Variants in NPDC1 observed in about 807,000 individuals in gnomAD.
NPDC1 encodes neural proliferation, differentiation and control 1.
In NPDC1, 18 loss-of-function variants were observed where a neutral mutation model predicts 32.5. The ratio of observed to expected loss-of-function variants is 0.55; its 90% confidence interval spans 0.38 to 0.82. The LOEUF is 0.82. NPDC1 is among the 40% of genes least tolerant of loss of function. The pLI is 0.00. For synonymous variants in NPDC1, 210 were observed against 184.7 expected, an observed-to-expected ratio of 1.14 and a Z score of -1.11; for missense variants, 468 against 406.6, an observed-to-expected ratio of 1.15 and a Z score of -1.30.
At position 137,045,636 on chromosome 9, in the gene NPDC1, C is replaced by T. The variant is rs182796518; in HGVS notation, c.112+242G>A. Among the ~76,000 whole-genome samples the T allele has an allele frequency of 2.6e-3, 396 of 152,342 alleles. 3 individuals carry two copies. The highest frequency in any genetic ancestry group is 6.8e-3 in the Middle Eastern group (2 of 294). On this transcript the variant is annotated intron_variant, in intron 1 of 8. Coordinates refer to ENST00000371601, the MANE Select transcript of NPDC1 (RefSeq NM_015392.4). ...CGGAAGAAGCCATGAATGTAAGGTA[C>T]GCCTCTGGGAACCGGCAGAAGCCCC...
At chr9:137,042,768 G>A (rs1832076767) in intron 2 of NPDC1, 159 bp downstream of exon 2, 3 of 805,396 alleles carry the variant, frequency 3.7e-6, no homozygotes, top group East Asian at 2.7e-5. Flanking sequence ...ATGTTGGCCA[G>A]GCTGGTCTTG....
At chr9:137,040,136 G>A in intron 7 of NPDC1, 69 bp from the exon 8 acceptor site, 1 of 735,562 alleles carries the variant, frequency 1.4e-6, no homozygotes, top group Non-Finnish European at 2.5e-6. Flanking sequence ...CTGGAAGTGG[G>A]CACTCAGCCC....
At position 137,041,107 on chromosome 9, in the gene NPDC1, A is replaced by G. The variant is rs139058451; in HGVS notation, c.340T>C (p.Ser114Pro). 542 of 1,530,422 alleles carry G rather than the reference A, an allele frequency of 3.5e-4. No homozygotes were observed. The highest frequency in any genetic ancestry group is 4.5e-4 in the Non-Finnish European group (516 of 1,141,634). 94.8% of individuals were successfully genotyped at this position (1,530,422 alleles called of 1,614,324 possible). A position where few individuals can be genotyped will look rare whatever the true frequency, so the allele number is the denominator to read the frequency against. The change falls in exon 3 of 9, where the codon TCA becomes CCA. Residue 114 changes from serine (S) to proline (P), a missense_variant. By Grantham distance (74) the Ser-to-Pro change is moderately conservative. Coordinates refer to ENST00000371601, the MANE Select transcript of NPDC1 (RefSeq NM_015392.4). ...QELARKESGH[S>P]TPPLPKDRQR... ...CGGTCCTTGGGTAGGGGCGGAGTTG[A>G]GTGTCCAGACTCCTTCCGGGCAAGC...
intron 2 of NPDC1, among the ~76,000 whole-genome samples, chr9:137,041,413 G>T (rs1318305152): frequency 6.6e-6 from 1 of 152,138 alleles, no homozygotes; most frequent in Non-Finnish European, 1.5e-5. Flanking sequence ...CTAGGGAAAC[G>T]TCCAAAGACC....
intron 7 of NPDC1, 27 bp from the exon 8 acceptor site, chr9:137,040,094 T>TC (rs753775672): frequency 1.3e-6 from 1 of 771,810 alleles, no homozygotes; most frequent in Non-Finnish European, 2.4e-6. Flanking sequence ...CGCTGGGTCC[T>TC]CCCCATGCCC....
At chr9:137,043,246 G>A in intron 1 of NPDC1, 173 bp from the exon 2 acceptor site, 1 of 774,212 alleles carries the variant, frequency 1.3e-6, no homozygotes, top group Non-Finnish European at 2.3e-6. Flanking sequence ...TCAGAACCCG[G>A]AAGCGAACAG....
chr9:137,041,012 A>G (rs748291261), intron 3 of NPDC1, 28 bp from the exon 4 acceptor site: 1 of 1,523,896 alleles, frequency 6.6e-7, no homozygotes, highest in Admixed American at 2.2e-5. Context: ...TTAGAATGAG[A>G]GCACTGGGCT....
At chr9:137,042,654 G>A (rs1416852341) in intron 2 of NPDC1, among the ~76,000 whole-genome samples, 2 of 150,054 alleles carry the variant, frequency 1.3e-5, no homozygotes, top group African/African-American at 2.5e-5. Context: ...CCGCCTCCCG[G>A]GTTAAAGCAA....
At chr9:137,040,630 G>T (rs574221036) in intron 5 of NPDC1, 32 bp from the exon 6 acceptor site, 2 of 1,562,466 alleles carry the variant, frequency 1.3e-6, no homozygotes, top group Non-Finnish European at 1.7e-6. Flanking sequence ...ACCTCTGAGC[G>T]TGTGGCACCC....
chr9:137,043,171 C>T (rs1434732489), intron 1 of NPDC1, 98 bp from the exon 2 acceptor site: 2 of 1,384,734 alleles, frequency 1.4e-6, no homozygotes, highest in East Asian at 2.5e-5. Context: ...CCGTCACCCC[C>T]CGAGCTGGCC....
At chr9:137,041,979 G>T (rs528427246) in intron 2 of NPDC1, among the ~76,000 whole-genome samples, 1 of 152,264 alleles carries the variant, frequency 6.6e-6, no homozygotes, top group Non-Finnish European at 1.5e-5. Context: ...GGACGGGGAA[G>T]TGGGGGCCTG....
rs1469874702 is a variant in NPDC1, at chr9:137,040,399, T to G, written c.746A>C (p.Tyr249Ser). ...DQRLAQSAEM[Y>S]HYQHQRQQML... ...CTGTTGCCGTTGGTGCTGGTAGTGG[T>G]ACATCTCCGCGCTCTGTGCCAGCCG... is the stretch of plus-strand genomic sequence containing the variant. The change falls in exon 7 of 9, where the codon TAC becomes TCC. Residue 249 changes from tyrosine (Y) to serine (S), a missense_variant. Tyr to Ser is a moderately radical substitution (Grantham distance 144, BLOSUM62 -2). Transcript: ENST00000371601. 6.5e-7 allele frequency: 1 copy of G among 1,548,124 alleles called. No homozygotes were observed. The highest frequency in any genetic ancestry group is 2.4e-5 in the East Asian group (1 of 40,914).
At chr9:137,043,119 C>A in intron 1 of NPDC1, 46 bp from the exon 2 acceptor site, 1 of 1,599,628 alleles carries the variant, frequency 6.3e-7, no homozygotes, top group Admixed American at 1.7e-5. Context: ...CCCCGCAGGG[C>A]TCGGCCCCTG....
At position 137,041,020 on chromosome 9, in the gene NPDC1, G is replaced by C. The variant is rs747289296; in HGVS notation, c.386-36C>G. On this transcript the variant is annotated intron_variant, in intron 3 of 8. Coordinates refer to ENST00000371601, the MANE Select transcript of NPDC1 (RefSeq NM_015392.4). ...GGACAGGTTAGAATGAGAGCACTGG[G>C]CTAGGGACAGGGCCGTGGGGCAGGG... The C allele has an allele frequency of 7.2e-6, 11 of 1,524,880 alleles. No homozygotes were observed. The African/African-American group carries it at 1.4e-4, about 19-fold the overall frequency. The allele number at this position is 1,524,880 out of a possible 1,614,324, so 94.5% of individuals were successfully genotyped here.
intron 1 of NPDC1, 132 bp downstream of exon 1, chr9:137,045,746 C>T (rs1832121289): frequency 4.2e-6 from 2 of 476,852 alleles, no homozygotes; most frequent in Non-Finnish European, 5.5e-6. Context: ...GGGCCCCCGC[C>T]ACCAGCGGAC....
intron 2 of NPDC1, among the ~76,000 whole-genome samples, chr9:137,042,002 G>A (rs1564246940): frequency 6.6e-6 from 1 of 152,244 alleles, no homozygotes; most frequent in African/African-American, 2.4e-5. Flanking sequence ...GGGCTTCTGG[G>A]CAGACCCTGC....
At chr9:137,045,845 G>T in intron 1 of NPDC1, 33 bp downstream of exon 1, 1 of 997,834 alleles carries the variant, frequency 1.0e-6, no homozygotes. Context: ...GCCCCGGGGC[G>T]CCCCGCGGCC....
chr9:137,044,312 G>T (rs746720604), intron 1 of NPDC1, among the ~76,000 whole-genome samples: 6 of 152,206 alleles, frequency 3.9e-5, no homozygotes, highest in Non-Finnish European at 7.3e-5. Context: ...TCAGTGGGCC[G>T]GGACTTGGGC....
chr9:137,043,406 T>G, intron 1 of NPDC1: 1 of 687,198 alleles, frequency 1.5e-6, no homozygotes, highest in Non-Finnish European at 2.7e-6. Flanking sequence ...AAGCCCAGCC[T>G]CCGGCCTCAA....
Sources: gnomAD v4.1 joint callset for allele counts (sites outside exome capture counted in the v4.1 genomes callset) on GRCh38, gnomAD v4.1.1 for gene constraint, MANE v1.5 for transcripts, NCBI Gene and HGNC (gene_info 2026-07-23, HGNC 2026-07-21) for gene names.